The following ADCK1 variants were observed in gnomAD, a reference collection of about 807,000 sequenced individuals.
The protein encoded by ADCK1 is aarF domain containing kinase 1.
Under a neutral mutation model 52.3 loss-of-function variants are expected in ADCK1, and 41 were observed. The ratio of observed to expected loss-of-function variants is 0.78; its 90% CI spans 0.61 to 1.02. The LOEUF is 1.02. Among genes scored for constraint, ADCK1 ranks in the 50% least tolerant of loss-of-function variants. The probability of loss-of-function intolerance (pLI) is 0.00; values close to 1 mark genes in which losing one functional copy is unlikely to be tolerated. For missense variants in ADCK1, 658 were observed against 679.5 expected, an observed-to-expected ratio of 0.97 and a Z score of 0.35; for synonymous variants, 250 against 274.6, an observed-to-expected ratio of 0.91 and a Z score of 0.89.
chr14:77,820,565 C>T (rs760834098), intron 2 of ADCK1, among the ~76,000 whole-genome samples: 9 of 151,860 alleles, frequency 5.9e-5, no homozygotes, highest in Non-Finnish European at 1.3e-4. Flanking sequence ...CTCCTGGGCT[C>T]AAGCAATCTG....
chr14:77,852,673 A>ATATATATATATATATATATTTAT (rs2082317794), intron 3 of ADCK1, among the ~76,000 whole-genome samples: 1 of 18,132 alleles, frequency 5.5e-5, no homozygotes, highest in Non-Finnish European at 1.3e-4. Context: ...ATATATATAT[A>ATATATATATATATATATATTTAT]TATATATATA....
intron 7 of ADCK1, among the ~76,000 whole-genome samples, chr14:77,910,766 C>T (rs2083773526): frequency 6.6e-6 from 1 of 152,178 alleles, no homozygotes; most frequent in Non-Finnish European, 1.5e-5. Flanking sequence ...CTGTGCCTGG[C>T]CGGAGGGGGC....
At chr14:77,874,555 G>A (rs989917991) in intron 4 of ADCK1, among the ~76,000 whole-genome samples, 3 of 152,170 alleles carry the variant, frequency 2.0e-5, no homozygotes, top group Non-Finnish European at 4.4e-5. Flanking sequence ...CCAGGCTGGG[G>A]TGGGGCAGGT....
At chr14:77,875,804 G>A (rs1217149247) in intron 4 of ADCK1, among the ~76,000 whole-genome samples, 1 of 152,164 alleles carries the variant, frequency 6.6e-6, no homozygotes, top group African/African-American at 2.4e-5. Context: ...TGAGGAGGAA[G>A]CCCAGGAGGG....
intron 9 of ADCK1, among the ~76,000 whole-genome samples, chr14:77,927,486 A>T (rs1286693642): frequency 6.6e-6 from 1 of 152,202 alleles, no homozygotes; most frequent in Non-Finnish European, 1.5e-5. Context: ...TGAGCTGAGG[A>T]TCCCATGATG....
intron 7 of ADCK1, among the ~76,000 whole-genome samples, chr14:77,912,433 CGTGTGTGTGTGTGTGTGT>C (rs57555913): frequency 2.9e-5 from 4 of 138,170 alleles, no homozygotes; most frequent in South Asian, 5.1e-4. Context: ...TACGGAGGAG[CGTGTGTGTGTGTGTGTGT>C]GTGTGTGTGT....
At chr14:77,837,535 G>A (rs1594906826) in intron 3 of ADCK1, among the ~76,000 whole-genome samples, 1 of 152,278 alleles carries the variant, frequency 6.6e-6, no homozygotes, top group East Asian at 1.9e-4. Flanking sequence ...ATATTGTTTT[G>A]GGGGCCACCA....
At chr14:77,816,269 G>T (rs1184085426) in intron 1 of ADCK1, among the ~76,000 whole-genome samples, 1 of 152,136 alleles carries the variant, frequency 6.6e-6, no homozygotes, top group Non-Finnish European at 1.5e-5. Context: ...ATTGGTTTTT[G>T]TCTGCTGTTC....
Position 77,907,907 on chromosome 14 carries a change from C to A in ADCK1, c.846C>A (p.Ile282=). 1 of 1,613,694 alleles carries A rather than the reference C, an allele frequency of 6.2e-7. No homozygotes were observed. Among genetic ancestry groups the A allele is most frequent in the Non-Finnish European group, 8.5e-7 (1 of 1,179,760 alleles). The part of the protein sequence containing the change: ...NDRDYMERNK[I]DVNEISRHLG... ...GAGACTACATGGAGAGGAACAAGATCGACGTCAATGAGGTGAGGTCAAGAG... is the reference window on the plus strand; with the variant it reads ...GAGACTACATGGAGAGGAACAAGATAGACGTCAATGAGGTGAGGTCAAGAG... Residue 282 remains isoleucine (I), a synonymous_variant, in exon 7 of 11, where the codon ATC becomes ATA. Transcript: ENST00000238561.
At chr14:77,895,985 C>A (rs2083401273) in intron 5 of ADCK1, among the ~76,000 whole-genome samples, 1 of 152,116 alleles carries the variant, frequency 6.6e-6, no homozygotes, top group Admixed American at 6.6e-5. Context: ...ACCCACAACC[C>A]ACAGGATGCC....
At chr14:77,875,884 T>G (rs2082888375) in intron 4 of ADCK1, among the ~76,000 whole-genome samples, 2 of 152,244 alleles carry the variant, frequency 1.3e-5, no homozygotes, top group Non-Finnish European at 1.5e-5. Context: ...TTCCCCTTCC[T>G]GGTCTCACAT....
rs147006250 is a variant in ADCK1 at position 77,827,729 on chromosome 14, C to A, written c.219+5211C>A. The A allele has an allele frequency of 6.5e-4, 228 of 351,982 alleles. 1 individual carries two copies. Among genetic ancestry groups the A allele is most frequent in the African/African-American group, 4.5e-3 (201 of 44,648 alleles). 21.8% of individuals were successfully genotyped at this position (351,982 alleles called of 1,614,324 possible). A position where few individuals can be genotyped will look rare whatever the true frequency, so the allele number is the denominator to read the frequency against. On this transcript the variant is annotated intron_variant, in intron 3 of 10. Coordinates refer to ENST00000238561, the MANE Select transcript of ADCK1 (RefSeq NM_020421.4). ...AGGGTGCAGAGAGGTTTGGATGGTGCTGGGTAGAATTGGAGCCATTTTGGA... is the reference window on the plus strand; with the variant it reads ...AGGGTGCAGAGAGGTTTGGATGGTGATGGGTAGAATTGGAGCCATTTTGGA...
intron 4 of ADCK1, among the ~76,000 whole-genome samples, chr14:77,867,771 G>A (rs2082694090): frequency 6.6e-6 from 1 of 152,196 alleles, no homozygotes; most frequent in African/African-American, 2.4e-5. Flanking sequence ...CCTGCACCTT[G>A]AATCCTGGTG....
chr14:77,896,705 C>T (rs575257210), intron 5 of ADCK1, among the ~76,000 whole-genome samples: 9 of 152,320 alleles, frequency 5.9e-5, no homozygotes, highest in African/African-American at 2.2e-4. Flanking sequence ...GGCATACAGT[C>T]CAGGCCTCTC....
chr14:77,802,312 C>A (rs535212618), intron 1 of ADCK1, among the ~76,000 whole-genome samples: 1 of 152,272 alleles, frequency 6.6e-6, no homozygotes, highest in African/African-American at 2.4e-5. Flanking sequence ...TTACCTGCTG[C>A]TTGCTCTTTG....
In ADCK1 at chr14:77,803,804, G is replaced by T. The variant is rs1050709328; in HGVS notation, c.-12+3634G>T. ...CCCACAGCAACAGTTGCATTTACTT[G>T]AGAACAGCAGTAAGGACTTTAGTGA... On this transcript the variant is annotated intron_variant, in intron 1 of 10. Transcript: ENST00000238561. Among the ~76,000 whole-genome samples the T allele has an allele frequency of 7.2e-5, 11 of 152,302 alleles. 1 individual carries two copies. The South Asian group carries it at 2.3e-3, about 32-fold the overall frequency.
chr14:77,807,670 C>T (rs979588447), intron 1 of ADCK1, among the ~76,000 whole-genome samples: 11 of 151,398 alleles, frequency 7.3e-5, no homozygotes, highest in African/African-American at 1.7e-4. Flanking sequence ...CCACCACGCC[C>T]GGCTAATTTT....
At chr14:77,828,678 C>T (rs1303698016) in intron 3 of ADCK1, among the ~76,000 whole-genome samples, 1 of 152,070 alleles carries the variant, frequency 6.6e-6, no homozygotes, top group African/African-American at 2.4e-5. Flanking sequence ...CAGGTGCCCA[C>T]CATCACACCC....
In ADCK1 at chr14:77,899,118, A is replaced by T; in HGVS notation, c.601A>T (p.Lys201Ter). The change falls in exon 6 of 11, where the codon AAG (lysine) becomes TAG (stop). Residue 201 changes from lysine (K) to a stop codon, truncating the protein, a stop_gained. Transcript: ENST00000238561. LOFTEE classifies it high-confidence loss of function. Reference sequence around the variant, plus strand: ...ATTTCAGGTGCTCGTTCTGGCTGTGAAGCAGCTGTTCCCAGAGTTTGAGTT... The same window carrying T: ...ATTTCAGGTGCTCGTTCTGGCTGTGTAGCAGCTGTTCCCAGAGTTTGAGTT... ...LLMEVLVLAVKQLFPEFEFMW... is the reference protein window; with the variant it reads ...LLMEVLVLAV 6.2e-7 allele frequency: 1 copy of T among 1,613,924 alleles called. No individual in the cohort carries two copies. Among genetic ancestry groups the T allele is most frequent in the Non-Finnish European group, 8.5e-7 (1 of 1,180,026 alleles).
Sources: allele counts gnomAD v4.1 joint callset (sites outside exome capture counted in the v4.1 genomes callset), GRCh38; gene constraint gnomAD v4.1.1; transcripts MANE v1.5; gene names NCBI Gene and HGNC (gene_info 2026-07-23, HGNC 2026-07-21).